ARVCF: variants seen among roughly 807,000 people sequenced by gnomAD.
ARVCF encodes ARVCF delta catenin family member.
Under a neutral mutation model 90.9 loss-of-function variants are expected in ARVCF, and 66 were observed. The observed-to-expected ratio is 0.73, with a 90% CI of 0.60 to 0.89. The LOEUF (loss-of-function observed/expected upper bound fraction) is 0.89. ARVCF is among the 40% of genes least tolerant of loss of function. The probability of loss-of-function intolerance (pLI) is 0.00; values close to 1 mark genes in which losing one functional copy is unlikely to be tolerated. For synonymous variants in ARVCF, 653 were observed against 603.4 expected (o/e 1.08, Z -1.21); for missense variants, 1,469 against 1,382.3 (o/e 1.06, Z -1.00).
intron 1 of ARVCF, among the ~76,000 whole-genome samples, chr22:20,013,802 C>T (rs944167067): frequency 6.6e-6 from 1 of 152,222 alleles, no homozygotes; most frequent in African/African-American, 2.4e-5. Flanking sequence ...ACTAAGGGAT[C>T]CCTGATCCCA....
intron 1 of ARVCF, among the ~76,000 whole-genome samples, chr22:20,016,117 C>T (rs1293813496): frequency 6.6e-6 from 1 of 152,046 alleles, no homozygotes; most frequent in Non-Finnish European, 1.5e-5. Context: ...GAGGACACCT[C>T]CGGGCCGTCG....
chr22:19,967,174 C>G, downstream of ARVCF: 1 of 1,304,616 alleles, frequency 7.7e-7, no homozygotes, highest in Non-Finnish European at 1.0e-6. Context: ...GTGCAGTGGT[C>G]TGGTGTCTTT....
At chr22:19,977,750 G>GGGA (rs1555932826) in intron 8 of ARVCF, among the ~76,000 whole-genome samples, 164 bp from the exon 9 acceptor site, 4 of 152,230 alleles carry the variant, frequency 2.6e-5, no homozygotes, top group Non-Finnish European at 5.9e-5. Context: ...AAGGGTCCAT[G>GGGA]GGAGGAAGCC....
intron 13 of ARVCF, 60 bp from the exon 14 acceptor site, chr22:19,973,377 G>A: frequency 2.0e-6 from 3 of 1,517,470 alleles, no homozygotes; most frequent in Non-Finnish European, 2.7e-6. Flanking sequence ...GGAAGGAGCA[G>A]GGATCCCGCG....
intron 3 of ARVCF, chr22:19,987,269 C>T (rs1229576673): frequency 3.6e-5 from 3 of 82,538 alleles, no homozygotes; most frequent in Non-Finnish European, 7.7e-5. Context: ...CCAGGTGGGG[C>T]GTGGCGGGGG....
intron 3 of ARVCF, chr22:19,987,006 A>T (rs920541359): frequency 1.7e-4 from 107 of 642,490 alleles, no homozygotes; most frequent in Non-Finnish European, 2.7e-4. Context: ...CCTCCCGGGC[A>T]GGCCGACGCC....
chr22:19,997,020 C>T (rs528744861), intron 2 of ARVCF, among the ~76,000 whole-genome samples: 1 of 152,368 alleles, frequency 6.6e-6, no homozygotes, highest in South Asian at 2.1e-4. Context: ...TCTTCCCACG[C>T]TGCTCCTGCC....
chr22:19,979,663 CGAG>C, intron 6 of ARVCF, 77 bp downstream of exon 6: 2 of 1,476,452 alleles, frequency 1.4e-6, no homozygotes, highest in South Asian at 2.8e-5. Flanking sequence ...GGTCGCAGGC[CGAG>C]TGGCCTCGTT....
chr22:19,971,937 C>T lies in ARVCF; in HGVS notation c.2730G>A (p.Arg910=). ...CTCCTGCAGAGCTGGCGCCCCGTGGCCTCCGCTCCCTCCGGTCCACCGTGG... is the reference window on the plus strand; with the variant it reads ...CTCCTGCAGAGCTGGCGCCCCGTGGTCTCCGCTCCCTCCGGTCCACCGTGG... ...GYSTVDRRER[R]PRGASSAGEA... Residue 910 remains arginine, a synonymous_variant, in exon 18 of 20, where the codon AGG becomes AGA. Transcript: ENST00000263207. 1.9e-6 allele frequency: 3 copies of T among 1,612,610 alleles called. No homozygotes were observed. The highest frequency in any genetic ancestry group is 2.5e-6 in the Non-Finnish European group (3 of 1,179,572).
chr22:19,974,196 G>C lies in ARVCF; in HGVS notation c.2004C>G (p.Leu668=), dbSNP rs1294995874. ...LYQPEVVRLY[L]SLLTESRNFN... ...AGTTCCGGCTCTCCGTGAGGAGGGA[G>C]AGGTAGAGACGTACCACCTCGGGCT... The change falls in exon 12 of 20, where the codon CTC becomes CTG. Residue 668 remains leucine, a synonymous_variant. Coordinates refer to ENST00000263207, the MANE Select transcript of ARVCF (RefSeq NM_001670.3). 1 of 1,612,874 alleles carries C rather than the reference G, an allele frequency of 6.2e-7. No homozygotes were observed. Among genetic ancestry groups the C allele is most frequent in the Non-Finnish European group, 8.5e-7 (1 of 1,179,826 alleles).
intron 2 of ARVCF, among the ~76,000 whole-genome samples, chr22:20,009,214 G>C (rs1944739905): frequency 6.6e-6 from 1 of 152,222 alleles, no homozygotes; most frequent in African/African-American, 2.4e-5. Flanking sequence ...AGAAGACCCT[G>C]CATGGCCAAA....
chr22:19,981,683 C>T lies in ARVCF; in HGVS notation c.424G>A (p.Gly142Ser). The T allele has an allele frequency of 6.2e-7, 1 of 1,602,072 alleles. No homozygotes were observed. Among genetic ancestry groups the T allele is most frequent in the South Asian group, 1.1e-5 (1 of 89,446 alleles). ...TCCAGCAGGGGGAGTCCATCTGGGCCCACGGGCACCTGGCGTACTGTCCGA... is the reference window on the plus strand; with the variant it reads ...TCCAGCAGGGGGAGTCCATCTGGGCTCACGGGCACCTGGCGTACTGTCCGA... Reference protein sequence around the residue: ...TTRTVRQVPVGPDGLPLLDGG... With the variant: ...TTRTVRQVPVSPDGLPLLDGG... The change falls in exon 5 of 20, where the codon GGC becomes AGC. Residue 142 changes from glycine to serine, a missense_variant. Physicochemically the swap from Gly to Ser is moderately conservative, Grantham distance 56. Coordinates refer to ENST00000263207, the MANE Select transcript of ARVCF (RefSeq NM_001670.3).
downstream of ARVCF, chr22:19,966,948 T>C (rs1942432810): frequency 1.0e-6 from 1 of 985,436 alleles, no homozygotes; most frequent in Non-Finnish European, 1.2e-6. Context: ...CATTAGATTT[T>C]CAGTCCTGCT....
intron 2 of ARVCF, among the ~76,000 whole-genome samples, chr22:20,007,699 C>T (rs1431972547): frequency 6.6e-6 from 1 of 152,184 alleles, no homozygotes; most frequent in Non-Finnish European, 1.5e-5. Context: ...CCTCCTTCAG[C>T]GCTCTCTCAC....
At position 19,981,942 on chromosome 22, in the gene ARVCF, G is replaced by C; in HGVS notation, c.360C>G (p.Thr120=). 1 of 1,612,600 alleles carries C rather than the reference G, an allele frequency of 6.2e-7. No individual in the cohort carries two copies. The highest frequency in any genetic ancestry group is 1.1e-5 in the South Asian group (1 of 90,994). Reference sequence around the variant, plus strand: ...CTGGGCCTGGCCATACCTTGGTCTCGGTGCGCCGGGTTGTGCCATCTTCGG... The same window carrying C: ...CTGGGCCTGGCCATACCTTGGTCTCCGTGCGCCGGGTTGTGCCATCTTCGG... ...VTSEDGTTRR[T]ETKVTKTVKT... is the part of the protein sequence containing the mutation. Residue 120 remains threonine (T), a synonymous_variant, in exon 4 of 20, where the codon ACC becomes ACG. Coordinates refer to ENST00000263207, the MANE Select transcript of ARVCF (RefSeq NM_001670.3).
chr22:19,977,873 T>C, intron 8 of ARVCF, 85 bp downstream of exon 8: 1 of 1,437,028 alleles, frequency 7.0e-7, no homozygotes, highest in Non-Finnish European at 9.5e-7. Context: ...CATTCCCCTG[T>C]GCTGCTCCCA....
chr22:19,988,997 G>T (rs1328607902), intron 3 of ARVCF, among the ~76,000 whole-genome samples: 1 of 152,180 alleles, frequency 6.6e-6, no homozygotes, highest in African/African-American at 2.4e-5. Flanking sequence ...CCTCCGGGGT[G>T]CCTTGGGTCC....
Position 19,972,938 on chromosome 22 carries a change from T to C in ARVCF, c.2537A>G (p.Lys846Arg). The C allele has an allele frequency of 6.2e-7, 1 of 1,613,832 alleles. No individual in the cohort carries two copies. Among genetic ancestry groups the C allele is most frequent in the Non-Finnish European group, 8.5e-7 (1 of 1,180,002 alleles). The change falls in exon 15 of 20, where the codon AAG becomes AGG. Residue 846 changes from lysine to arginine, a missense_variant. Transcript: ENST00000263207. ...GGGAAGCCGCACCTGGAAGCGCGCC[T>C]TGGTCCAACCATCTTTCTGCAAGGT... ...RGTLQKDGWT[K>R]ARFQSAAATA...
In ARVCF at chr22:19,970,447, C is replaced by G; in HGVS notation, c.*309G>C. ...CAGCCCCAAAGCCCAGCCAGGCACC[C>G]TTCCCTGCCACCTCCCTGGGCCCTG... is the stretch of plus-strand genomic sequence containing the variant. On this transcript the variant is annotated 3_prime_UTR_variant, in exon 20 of 20. Transcript: ENST00000263207. 9.2e-7 allele frequency: 1 copy of G among 1,091,738 alleles called. No homozygotes were observed. The highest frequency in any genetic ancestry group is 2.1e-5 in the South Asian group (1 of 47,094). 67.6% of individuals were successfully genotyped at this position (1,091,738 alleles called of 1,614,324 possible).
Sources: gnomAD v4.1 joint callset for allele counts (sites outside exome capture counted in the v4.1 genomes callset) on GRCh38, gnomAD v4.1.1 for gene constraint, MANE v1.5 for transcripts, NCBI Gene and HGNC (gene_info 2026-07-23, HGNC 2026-07-21) for gene names.